Variants in DPP6 observed in about 807,000 individuals in gnomAD.
DPP6 encodes the protein dipeptidyl peptidase like 6, also known as A-type potassium channel modulatory protein DPP6.
Under a neutral mutation model 122.6 loss-of-function variants are expected in DPP6, and 69 were observed. The observed-to-expected ratio is 0.56, with a 90% confidence interval of 0.46 to 0.69. DPP6 has a LOEUF of 0.69. Among genes scored for constraint, DPP6 ranks in the 30% least tolerant of loss-of-function variants. The pLI is 0.00. For synonymous variants in DPP6, 418 were observed against 433.1 expected (o/e 0.97, Z 0.43); for missense variants, 928 against 1,116.9 (o/e 0.83, Z 2.41).
At chr7:154,765,906 A>G (rs1795867736) in intron 8 of DPP6, among the ~76,000 whole-genome samples, 1 of 152,220 alleles carries the variant, frequency 6.6e-6, no homozygotes, top group African/African-American at 2.4e-5. Flanking sequence ...CTGCTTCTAA[A>G]CTGCATTTGG....
chr7:154,347,659 C>T (rs1810509724), intron 1 of DPP6, among the ~76,000 whole-genome samples: 2 of 152,066 alleles, frequency 1.3e-5, no homozygotes, highest in South Asian at 4.2e-4. Context: ...TTATTTTGTC[C>T]CTTTCAGATG....
At chr7:154,670,250 C>A (rs1007700476) in intron 7 of DPP6, among the ~76,000 whole-genome samples, 9 of 152,204 alleles carry the variant, frequency 5.9e-5, no homozygotes, top group African/African-American at 2.2e-4. Flanking sequence ...GTGGTCATTG[C>A]AGCCTTCTCG....
chr7:154,515,853 C>T (rs186458809), intron 3 of DPP6, among the ~76,000 whole-genome samples: 145 of 152,280 alleles, frequency 9.5e-4, no homozygotes, highest in African/African-American at 2.7e-3. Flanking sequence ...TCCCACAGTG[C>T]ACGGAGGCCC....
chr7:154,626,251 G>C (rs534107078), intron 5 of DPP6, among the ~76,000 whole-genome samples: 3 of 152,320 alleles, frequency 2.0e-5, no homozygotes, highest in Admixed American at 6.5e-5. Context: ...TGTCCAAGTG[G>C]AGACTGAAGG....
the DPP6 span, among the ~76,000 whole-genome samples, chr7:153,753,144 A>G: frequency 6.6e-6 from 1 of 150,868 alleles, no homozygotes. Context: ...CTCTGCTTTC[A>G]AGAGTATCTC....
intron 1 of DPP6, among the ~76,000 whole-genome samples, chr7:153,976,530 T>C (rs967802690): frequency 7.2e-5 from 11 of 152,206 alleles, no homozygotes; most frequent in African/African-American, 2.7e-4. Context: ...TAAACACTGA[T>C]AATGGAAAAA....
chr7:154,513,079 C>T (rs1826211430), intron 3 of DPP6, among the ~76,000 whole-genome samples: 1 of 152,156 alleles, frequency 6.6e-6, no homozygotes, highest in Non-Finnish European at 1.5e-5. Flanking sequence ...CCCAAATACA[C>T]TAGTTCTTTC....
At chr7:154,498,558 G>A (rs1055341738) in intron 3 of DPP6, among the ~76,000 whole-genome samples, 13 of 151,986 alleles carry the variant, frequency 8.6e-5, no homozygotes, top group African/African-American at 3.1e-4. Flanking sequence ...GGCTGGTCTC[G>A]AACTCCTGAC....
In DPP6 at chr7:154,423,986, T is replaced by A. The variant is rs1428807453; in HGVS notation, c.244-22228T>A. 4.6e-5 allele frequency among the ~76,000 whole-genome samples: 7 copies of A among 152,192 alleles called. No individual in the cohort carries two copies. In the East Asian group the frequency reaches 1.3e-3, roughly 29 times the overall value. On this transcript the variant is annotated intron_variant, in intron 1 of 25. Coordinates refer to ENST00000377770, the MANE Select transcript of DPP6 (RefSeq NM_130797.4). Reference sequence around the variant, plus strand: ...GCCTTTGTTTTCAATGTTCCTCCTATGGAAAAAATAATTGCCAGTTTTCCC... The same window carrying A: ...GCCTTTGTTTTCAATGTTCCTCCTAAGGAAAAAATAATTGCCAGTTTTCCC...
At chr7:153,803,913 G>A in the DPP6 span, among the ~76,000 whole-genome samples, 89,020 of 151,208 alleles carry the variant, frequency 0.59, 26,268 homozygotes, top group African/African-American at 0.61. Flanking sequence ...TTCTTTGAAG[G>A]ACCCTAATAC....
At chr7:154,688,010 G>A (rs34437296) in intron 7 of DPP6, among the ~76,000 whole-genome samples, 7,656 of 152,264 alleles carry the variant, frequency 0.05, 277 homozygotes, top group African/African-American at 0.1. Context: ...ACTCTCCACT[G>A]TGTTCCACTC....
the DPP6 span, among the ~76,000 whole-genome samples, chr7:153,860,514 G>A: frequency 9.9e-5 from 15 of 152,218 alleles, no homozygotes; most frequent in Admixed American, 5.2e-4. Context: ...CTTGCCGTTC[G>A]GCCACCCTTC....
rs10272930 is a variant in DPP6, at chr7:154,495,539, G to A, written c.457+20502G>A. 6.1e-3 allele frequency among the ~76,000 whole-genome samples: 929 copies of A among 151,968 alleles called. 9 individuals carry two copies. Among genetic ancestry groups the A allele is most frequent in the African/African-American group, 0.021 (866 of 41,468 alleles). Reference sequence around the variant, plus strand: ...TGAGTAGCTGGGACTACAGGCATGCGCCACCATGCCCGGCTAATTTTTGTA... The same window carrying A: ...TGAGTAGCTGGGACTACAGGCATGCACCACCATGCCCGGCTAATTTTTGTA... On this transcript the variant is annotated intron_variant, in intron 3 of 25. Coordinates refer to ENST00000377770, the MANE Select transcript of DPP6 (RefSeq NM_130797.4).
At chr7:153,811,472 A>G in the DPP6 span, among the ~76,000 whole-genome samples, 935 of 145,654 alleles carry the variant, frequency 6.4e-3, no homozygotes, top group East Asian at 0.042. Context: ...GGACACATCA[A>G]CATCCAAAAT....
chr7:154,422,390 ATATTT>A (rs1817539121), intron 1 of DPP6, among the ~76,000 whole-genome samples: 1 of 152,176 alleles, frequency 6.6e-6, no homozygotes. Flanking sequence ...GGGAACTAGG[ATATTT>A]TATTTGTTTG....
intron 1 of DPP6, among the ~76,000 whole-genome samples, chr7:154,252,830 AT>A (rs1412785480): frequency 7.4e-4 from 112 of 152,360 alleles, no homozygotes; most frequent in African/African-American, 2.6e-3. Context: ...TGTTCTTGAG[AT>A]CCATCTGTCC....
chr7:154,681,239 A>G (rs1839261420), intron 7 of DPP6, among the ~76,000 whole-genome samples: 1 of 152,212 alleles, frequency 6.6e-6, no homozygotes, highest in African/African-American at 2.4e-5. Context: ...TCTTCCTCAT[A>G]GCTTCCTTAA....
chr7:154,459,567 A>C (rs1821093854), intron 2 of DPP6, among the ~76,000 whole-genome samples: 1 of 152,122 alleles, frequency 6.6e-6, no homozygotes, highest in African/African-American at 2.4e-5. Flanking sequence ...ATGGTGGCTC[A>C]TCCTGTAATC....
At chr7:153,933,303 T>G (rs535286408) in intron 1 of DPP6, among the ~76,000 whole-genome samples, 1 of 152,346 alleles carries the variant, frequency 6.6e-6, no homozygotes, top group South Asian at 2.1e-4. Context: ...ATTTGCCTTA[T>G]GTTCCATACA....
Sources: allele counts gnomAD v4.1 joint callset (sites outside exome capture counted in the v4.1 genomes callset), GRCh38; gene constraint gnomAD v4.1.1; transcripts MANE v1.5; gene names NCBI Gene and HGNC (gene_info 2026-07-23, HGNC 2026-07-21).